The following GRAMD4 variants were observed in gnomAD, a reference collection of about 807,000 sequenced individuals.
GRAMD4 encodes the protein GRAM domain-containing protein 4.
A neutral mutation model predicts 83.9 loss-of-function variants in GRAMD4; 25 were observed. The observed-to-expected ratio is 0.30, with a 90% CI of 0.22 to 0.42. The LOEUF (loss-of-function observed/expected upper bound fraction) is 0.42. Among genes scored for constraint, GRAMD4 ranks in the 10% least tolerant of loss-of-function variants. The pLI is 1.00. For missense variants in GRAMD4, 593 were observed against 788.7 expected (o/e 0.75, Z 2.97); for synonymous variants, 336 against 320.9 (o/e 1.05, Z -0.50).
In GRAMD4 at chr22:46,663,050, C is replaced by T. The variant is rs1248062871; in HGVS notation, c.477C>T (p.Ser159=). 2 of 1,609,502 alleles carry T rather than the reference C, an allele frequency of 1.2e-6. No individual in the cohort carries two copies. The highest frequency in any genetic ancestry group is 2.2e-5 in the East Asian group (1 of 44,814). The part of the protein sequence containing the change: ...AQASNGAERR[S]QGLSSRLQKW... The stretch of plus-strand genomic sequence containing the variant: ...CCCTGCCCCCTGCAGAGCGCCGGAG[C>T]CAGGGGCTGTCCTCGCGCCTGCAGA... Residue 159 remains serine, a synonymous_variant, in exon 6 of 19, where the codon AGC becomes AGT. Coordinates refer to ENST00000406902, the MANE Select transcript of GRAMD4 (RefSeq NM_015124.5).
At chr22:46,677,076 T>C (rs2082610338) in intron 18 of GRAMD4, 71 bp from the exon 19 acceptor site, 1 of 1,585,256 alleles carries the variant, frequency 6.3e-7, no homozygotes, top group Non-Finnish European at 8.6e-7. Flanking sequence ...GGTGTTGGAC[T>C]TCGTCTCGGT....
upstream of GRAMD4, among the ~76,000 whole-genome samples, chr22:46,576,320 C>A (rs1202194476): frequency 2.6e-5 from 4 of 152,182 alleles, no homozygotes; most frequent in African/African-American, 7.2e-5. Context: ...CAGGGTGATC[C>A]CCTCTGCCCC....
At chr22:46,668,641 C>T in intron 11 of GRAMD4, 48 bp from the exon 12 acceptor site, 1 of 1,576,616 alleles carries the variant, frequency 6.3e-7, no homozygotes, top group Non-Finnish European at 8.7e-7. Context: ...GTGTGACTGA[C>T]AGCCCAGGAG....
At position 46,678,513 on chromosome 22, in the gene GRAMD4, G is replaced by T; in HGVS notation, c.*1262G>T. The T allele has an allele frequency of 1.0e-6, 1 of 985,436 alleles. No homozygotes were observed. Among genetic ancestry groups the T allele is most frequent in the East Asian group, 1.1e-4 (1 of 8,792 alleles). The allele number at this position is 985,436 out of a possible 1,614,324, so 61.0% of individuals were successfully genotyped here. A position where few individuals can be genotyped will look rare whatever the true frequency, so the allele number is the denominator to read the frequency against. On this transcript the variant is annotated 3_prime_UTR_variant, in exon 19 of 19. Coordinates refer to ENST00000406902, the MANE Select transcript of GRAMD4 (RefSeq NM_015124.5). The stretch of plus-strand genomic sequence containing the variant: ...GCCGCCTGCGCTGGGCTGAAGGGAG[G>T]GAAAGGCGGCTTGGGCCTCCTGGAA...
At chr22:46,654,983 C>T (rs958517497) in intron 3 of GRAMD4, among the ~76,000 whole-genome samples, 3 of 152,120 alleles carry the variant, frequency 2.0e-5, no homozygotes, top group Admixed American at 6.5e-5. Context: ...GAGCAGGACC[C>T]GTGAGAGAAG....
At chr22:46,603,752 C>A (rs954725745) in intron 1 of GRAMD4, among the ~76,000 whole-genome samples, 9 of 145,850 alleles carry the variant, frequency 6.2e-5, no homozygotes, top group African/African-American at 1.0e-4. Flanking sequence ...TCCTGACCTC[C>A]TGATCCGCCC....
At chr22:46,578,382 C>G (rs1413421672) in intron 1 of GRAMD4, among the ~76,000 whole-genome samples, 1 of 152,116 alleles carries the variant, frequency 6.6e-6, no homozygotes, top group Non-Finnish European at 1.5e-5. Context: ...GCCTCCCTCA[C>G]CCTCCTGCTC....
At chr22:46,580,621 G>C (rs1011218818) in intron 1 of GRAMD4, among the ~76,000 whole-genome samples, 4 of 152,172 alleles carry the variant, frequency 2.6e-5, no homozygotes, top group Non-Finnish European at 4.4e-5. Context: ...TTTAACTTGA[G>C]AACTTAGAGG....
chr22:46,577,711 C>T (rs1467572533), intron 1 of GRAMD4, among the ~76,000 whole-genome samples: 4 of 152,116 alleles, frequency 2.6e-5, no homozygotes, highest in Non-Finnish European at 4.4e-5. Flanking sequence ...AGGAGGAGGG[C>T]GCCCCAGCCC....
At chr22:46,602,322 A>G (rs1470264481) in intron 1 of GRAMD4, among the ~76,000 whole-genome samples, 1 of 152,114 alleles carries the variant, frequency 6.6e-6, no homozygotes, top group East Asian at 1.9e-4. Context: ...CCCTGACCCC[A>G]CACCCACATG....
intron 2 of GRAMD4, among the ~76,000 whole-genome samples, chr22:46,628,755 G>T (rs1328513310): frequency 1.3e-5 from 2 of 152,144 alleles, no homozygotes; most frequent in East Asian, 3.9e-4. Flanking sequence ...ACCTGGGGCA[G>T]AACATCTGGA....
intron 13 of GRAMD4, 44 bp downstream of exon 13, chr22:46,668,952 A>G: frequency 9.0e-7 from 1 of 1,107,644 alleles, no homozygotes; most frequent in Non-Finnish European, 1.4e-6. Context: ...GAGGAGGGAC[A>G]CAGGTGTCCG....
intron 1 of GRAMD4, among the ~76,000 whole-genome samples, chr22:46,586,722 G>T (rs945892562): frequency 3.0e-4 from 46 of 152,338 alleles, no homozygotes; most frequent in Admixed American, 6.5e-4. Context: ...ACATGAGTTG[G>T]GGGGAACCCC....
chr22:46,676,548 C>A, intron 17 of GRAMD4, 52 bp from the exon 18 acceptor site: 1 of 1,503,286 alleles, frequency 6.7e-7, no homozygotes, highest in Non-Finnish European at 9.0e-7. Flanking sequence ...GAGGGCTGTG[C>A]CTCCCTGTCC....
chr22:46,580,343 G>A (rs957818048), intron 1 of GRAMD4, among the ~76,000 whole-genome samples: 2 of 152,228 alleles, frequency 1.3e-5, no homozygotes, highest in East Asian at 1.9e-4. Flanking sequence ...CTGGCTTGGG[G>A]TCTCTTTGGC....
chr22:46,665,126 G>A (rs546364707), intron 8 of GRAMD4, among the ~76,000 whole-genome samples: 24 of 152,372 alleles, frequency 1.6e-4, no homozygotes, highest in African/African-American at 5.3e-4. Flanking sequence ...ATGAGCCCAA[G>A]CTTTGAACCT....
At chr22:46,595,112 G>T (rs2081248838) in intron 1 of GRAMD4, among the ~76,000 whole-genome samples, 1 of 152,164 alleles carries the variant, frequency 6.6e-6, no homozygotes, top group Non-Finnish European at 1.5e-5. Flanking sequence ...TGCGGCCCGG[G>T]GGGAGAGTGT....
At chr22:46,638,041 G>C in intron 3 of GRAMD4, 81 bp downstream of exon 3, 1 of 1,489,180 alleles carries the variant, frequency 6.7e-7, no homozygotes, top group Non-Finnish European at 9.2e-7. Flanking sequence ...TCTTGCCCAG[G>C]AGCTGGGTCT....
chr22:46,653,197 G>A (rs1350878985), intron 3 of GRAMD4, among the ~76,000 whole-genome samples: 2 of 152,254 alleles, frequency 1.3e-5, no homozygotes, highest in East Asian at 1.9e-4. Context: ...CACGCTGTCC[G>A]AGGAGCCCTG....
Sources: gnomAD v4.1 joint callset for allele counts (sites outside exome capture counted in the v4.1 genomes callset) on GRCh38, gnomAD v4.1.1 for gene constraint, MANE v1.5 for transcripts, NCBI Gene and HGNC (gene_info 2026-07-23, HGNC 2026-07-21) for gene names.